Variants in EDA observed in about 807,000 individuals in gnomAD.
EDA encodes ectodysplasin-A.
In EDA, 2 loss-of-function variants were observed where a neutral mutation model predicts 23.6. The observed-to-expected ratio is 0.08, with a 90% confidence interval of 0.03 to 0.27. The LOEUF is 0.27. Ranked by LOEUF, EDA falls within the 10% of genes least tolerant of loss-of-function variation. The pLI is 1.00. For missense variants in EDA, 229 were observed against 324.2 expected, an observed-to-expected ratio of 0.71 and a Z score of 2.26; for synonymous variants, 131 against 132.0, an observed-to-expected ratio of 0.99 and a Z score of 0.05.
At chrX:69,888,978 T>TTATATATATATATATA (rs935436674) in intron 1 of EDA, among the ~76,000 whole-genome samples, 225 of 15,981 alleles carry the variant, frequency 0.014, 6 homozygotes, top group South Asian at 0.029. Flanking sequence ...TGTGGGGTAG[T>TTATATATATATATATA]TATATATATA....
chrX:70,011,751 TG>T (rs1257016686), intron 2 of EDA, among the ~76,000 whole-genome samples: 1 of 111,953 alleles, frequency 8.9e-6, no homozygotes, highest in African/African-American at 3.3e-5. Context: ...CCTTCTTTTT[TG>T]TTTGTCTGAG....
chrX:69,897,265 A>G (rs978125686), intron 1 of EDA, among the ~76,000 whole-genome samples: 2 of 111,555 alleles, frequency 1.8e-5, no homozygotes, highest in Admixed American at 9.6e-5. Context: ...AACTGGTGCC[A>G]TAAAAAGTGC....
intron 1 of EDA, among the ~76,000 whole-genome samples, chrX:69,908,706 C>A (rs2018214169): frequency 9.2e-6 from 1 of 108,625 alleles, no homozygotes; most frequent in Non-Finnish European, 1.9e-5. Context: ...TGGTAGTGGT[C>A]TTTAAATATT....
intron 1 of EDA, among the ~76,000 whole-genome samples, chrX:69,703,863 T>A (rs1470639841): frequency 1.8e-5 from 2 of 111,997 alleles, no homozygotes; most frequent in African/African-American, 6.5e-5. Context: ...ATATTACTTT[T>A]ATTGTAATAT....
In EDA at chrX:69,788,692, T is replaced by C. The variant is rs749816103; in HGVS notation, c.397-168335T>C. On this transcript the variant is annotated intron_variant, in intron 1 of 7. Transcript: ENST00000374552. Reference sequence around the variant, plus strand: ...GTGCTGGGAGAACCACTGCTCTCTTTAAAGCTGTCAGACAGGGACATTTAA... The same window carrying C: ...GTGCTGGGAGAACCACTGCTCTCTTCAAAGCTGTCAGACAGGGACATTTAA... 1.9e-3 allele frequency among the ~76,000 whole-genome samples: 202 copies of C among 108,696 alleles called. 2 individuals carry two copies. The highest frequency in any genetic ancestry group is 3.3e-3 in the Non-Finnish European group (170 of 51,988). 94.4% of individuals were successfully genotyped at this position (108,696 alleles called of 115,157 possible). A position where few individuals can be genotyped will look rare whatever the true frequency, so the allele number is the denominator to read the frequency against.
chrX:69,952,639 T>G, intron 1 of EDA, among the ~76,000 whole-genome samples: 2 of 112,049 alleles, frequency 1.8e-5, no homozygotes, highest in Non-Finnish European at 3.8e-5. Context: ...CTTATGAATG[T>G]CCCATATTCA....
intron 1 of EDA, among the ~76,000 whole-genome samples, chrX:69,862,402 T>G (rs1396160416): frequency 1.8e-5 from 2 of 111,682 alleles, no homozygotes; most frequent in African/African-American, 6.5e-5. Flanking sequence ...AGAGGGAAAT[T>G]AGGTTTTATT....
At chrX:69,751,718 G>T (rs1221794181) in intron 1 of EDA, among the ~76,000 whole-genome samples, 1 of 111,548 alleles carries the variant, frequency 9.0e-6, no homozygotes, top group Non-Finnish European at 1.9e-5. Flanking sequence ...GTGGTTTATA[G>T]TTCTCCTTGA....
chrX:69,669,874 T>C (rs916145656), intron 1 of EDA, among the ~76,000 whole-genome samples: 9 of 111,603 alleles, frequency 8.1e-5, no homozygotes, highest in African/African-American at 2.9e-4. Context: ...TATCTTTATG[T>C]CTATGAGTTG....
At chrX:69,826,300 A>G (rs371652949) in intron 1 of EDA, among the ~76,000 whole-genome samples, 45 of 110,270 alleles carry the variant, frequency 4.1e-4, no homozygotes, top group African/African-American at 7.6e-4. Context: ...ACAGTGGGGT[A>G]TTAAAGTCTC....
At chrX:69,769,491 G>T (rs1307867401) in intron 1 of EDA, among the ~76,000 whole-genome samples, 1 of 111,379 alleles carries the variant, frequency 9.0e-6, no homozygotes, top group Non-Finnish European at 1.9e-5. Context: ...CTTAATTGAG[G>T]TGTTTAAAGC....
chrX:69,655,582 C>T (rs1933282785), intron 1 of EDA, among the ~76,000 whole-genome samples: 1 of 106,170 alleles, frequency 9.4e-6, no homozygotes, highest in South Asian at 4.3e-4. Context: ...TGTCTGTCTT[C>T]TGTAATGCAT....
intron 1 of EDA, among the ~76,000 whole-genome samples, chrX:69,944,518 A>G (rs1231671728): frequency 3.6e-5 from 4 of 111,461 alleles, no homozygotes; most frequent in Non-Finnish European, 7.5e-5. Flanking sequence ...CTGGTACCCT[A>G]TTCTACTGTG....
At chrX:69,694,988 T>G (rs901897647) in intron 1 of EDA, among the ~76,000 whole-genome samples, 4 of 112,319 alleles carry the variant, frequency 3.6e-5, no homozygotes, top group African/African-American at 1.3e-4. Flanking sequence ...AGAAAGAGAC[T>G]TAAATTATAA....
At chrX:69,929,945 A>G (rs1241566185) in intron 1 of EDA, among the ~76,000 whole-genome samples, 1 of 109,751 alleles carries the variant, frequency 9.1e-6, no homozygotes, top group Non-Finnish European at 1.9e-5. Flanking sequence ...TATCCTGCTT[A>G]TTTTTCAAAA....
intron 1 of EDA, among the ~76,000 whole-genome samples, chrX:69,845,924 C>G: frequency 8.9e-6 from 1 of 112,046 alleles, no homozygotes; most frequent in Non-Finnish European, 1.9e-5. Flanking sequence ...CCAGTTAAGT[C>G]TTCAGATGAC....
intron 1 of EDA, among the ~76,000 whole-genome samples, chrX:69,876,945 A>C (rs1272969203): frequency 8.9e-6 from 1 of 112,387 alleles, no homozygotes; most frequent in Admixed American, 9.4e-5. Context: ...TCTTTTTTAA[A>C]TATATAGGAG....
rs747174670 is a variant in EDA at position 69,970,992 on chromosome X, A to G, written c.502+13860A>G. Among the ~76,000 whole-genome samples, 5 of 112,399 alleles carry G rather than the reference A, an allele frequency of 4.4e-5. No homozygotes were observed. In the East Asian group the frequency reaches 1.4e-3, roughly 31 times the overall value. ...ATGTATTCTAAAATATTTCATATGG[A>G]TTTCTAAAGAATTGAATAACAATCA... On this transcript the variant is annotated intron_variant, in intron 2 of 7. Transcript: ENST00000374552.
chrX:69,824,539 C>T (rs2016348946), intron 1 of EDA, among the ~76,000 whole-genome samples: 1 of 109,403 alleles, frequency 9.1e-6, no homozygotes, highest in African/African-American at 3.4e-5. Flanking sequence ...GCTTTTTGTA[C>T]ATTGATTTTG....
Sources: gnomAD v4.1 joint callset for allele counts (sites outside exome capture counted in the v4.1 genomes callset) on GRCh38, gnomAD v4.1.1 for gene constraint, MANE v1.5 for transcripts, NCBI Gene and HGNC (gene_info 2026-07-23, HGNC 2026-07-21) for gene names.